The following MCC variants were observed in gnomAD, a reference collection of about 807,000 sequenced individuals.
MCC encodes MCC regulator of Wnt signaling pathway, also known as colorectal mutant cancer protein.
Under a neutral mutation model 116.2 loss-of-function variants are expected in MCC, and 90 were observed. The observed-to-expected ratio is 0.77, with a 90% CI of 0.65 to 0.92. The LOEUF (loss-of-function observed/expected upper bound fraction) is 0.92, where lower values mean the gene tolerates loss of function less well. MCC is among the 40% of genes least tolerant of loss of function. MCC has a pLI of 0.00. For missense variants in MCC, 1,516 were observed against 1,312.2 expected (o/e 1.16, Z -2.40); for synonymous variants, 578 against 510.5 (o/e 1.13, Z -1.78).
intron 1 of MCC, among the ~76,000 whole-genome samples, chr5:113,432,322 A>T (rs1770681127): frequency 1.0e-5 from 1 of 98,652 alleles, no homozygotes; most frequent in Admixed American, 8.9e-5. Flanking sequence ...CTCTGTCTCA[A>T]AAAAAAAAAA....
At chr5:113,464,581 A>G (rs978105446) in intron 1 of MCC, among the ~76,000 whole-genome samples, 1 of 147,628 alleles carries the variant, frequency 6.8e-6, no homozygotes, top group Admixed American at 6.9e-5. Context: ...TTTATTTGGT[A>G]TTTCTTACTC....
chr5:113,204,055 C>T (rs1457463731), intron 3 of MCC, among the ~76,000 whole-genome samples: 1 of 152,206 alleles, frequency 6.6e-6, no homozygotes, highest in Non-Finnish European at 1.5e-5. Context: ...TCTCTATCCA[C>T]AGCCTTTCTG....
At chr5:113,320,257 T>TAC (rs147315202) in intron 3 of MCC, among the ~76,000 whole-genome samples, 13,310 of 150,926 alleles carry the variant, frequency 0.088, 1,325 homozygotes, top group African/African-American at 0.25. Context: ...TACTATGTAG[T>TAC]ACACACACAC....
intron 11 of MCC, among the ~76,000 whole-genome samples, chr5:113,077,515 CA>C (rs1754540536): frequency 1.3e-5 from 2 of 152,170 alleles, no homozygotes; most frequent in Admixed American, 1.3e-4. Flanking sequence ...CTCAAAACTG[CA>C]TAACTACATG....
intron 14 of MCC, among the ~76,000 whole-genome samples, chr5:113,062,685 A>C (rs544668569): frequency 6.6e-6 from 1 of 152,354 alleles, no homozygotes; most frequent in South Asian, 2.1e-4. Flanking sequence ...GAAAAAAATT[A>C]TAATCTGTGC....
At chr5:113,316,789 A>G (rs749111326) in intron 3 of MCC, among the ~76,000 whole-genome samples, 30 of 152,322 alleles carry the variant, frequency 2.0e-4, no homozygotes, top group Middle Eastern at 6.8e-3. Flanking sequence ...AAATCTGTCA[A>G]ATAACATAGC....
intron 5 of MCC, among the ~76,000 whole-genome samples, chr5:113,135,200 G>A (rs1368560016): frequency 6.7e-6 from 1 of 150,164 alleles, no homozygotes; most frequent in Non-Finnish European, 1.5e-5. Context: ...GGCCTCCCAA[G>A]TTGCTGGGAT....
chr5:113,165,439 T>G (rs1760716813), intron 3 of MCC, among the ~76,000 whole-genome samples: 1 of 152,208 alleles, frequency 6.6e-6, no homozygotes, highest in African/African-American at 2.4e-5. Flanking sequence ...TTATTCCTTT[T>G]TTGTCCCCTT....
chr5:113,289,253 C>T (rs1766387089), intron 3 of MCC, among the ~76,000 whole-genome samples: 1 of 151,236 alleles, frequency 6.6e-6, no homozygotes. Flanking sequence ...ATTGCTTGAT[C>T]CCGGGAGGCA....
intron 5 of MCC, among the ~76,000 whole-genome samples, chr5:113,123,465 T>A (rs1011589871): frequency 2.0e-5 from 3 of 152,210 alleles, no homozygotes; most frequent in Admixed American, 1.3e-4. Flanking sequence ...GAGAACACCA[T>A]TCAATGGTCT....
At chr5:113,070,767 C>A (rs900372075) in intron 12 of MCC, among the ~76,000 whole-genome samples, 4 of 152,034 alleles carry the variant, frequency 2.6e-5, no homozygotes, top group African/African-American at 9.7e-5. Context: ...CTAGAATGCA[C>A]TAGATTTATA....
chr5:113,260,855 T>C (rs1290272247), intron 3 of MCC, among the ~76,000 whole-genome samples: 1 of 152,140 alleles, frequency 6.6e-6, no homozygotes, highest in African/African-American at 2.4e-5. Context: ...AATATGAGTT[T>C]TCCAAAATTT....
At chr5:113,472,926 G>A (rs1254988830) in intron 1 of MCC, among the ~76,000 whole-genome samples, 1 of 152,096 alleles carries the variant, frequency 6.6e-6, no homozygotes, top group Non-Finnish European at 1.5e-5. Context: ...TTAAACTATT[G>A]GTTCATTCAT....
At chr5:113,430,011 A>G (rs1770585144) in intron 1 of MCC, among the ~76,000 whole-genome samples, 1 of 152,216 alleles carries the variant, frequency 6.6e-6, no homozygotes, top group African/African-American at 2.4e-5. Context: ...AGGAGAGCTC[A>G]TGAGTTCACA....
intron 6 of MCC, among the ~76,000 whole-genome samples, chr5:113,121,740 A>C (rs575100916): frequency 7.9e-5 from 12 of 152,320 alleles, no homozygotes; most frequent in African/African-American, 2.6e-4. Flanking sequence ...TATAAAACTC[A>C]AGAAAACTGA....
At chr5:113,310,419 G>A (rs993030815) in intron 3 of MCC, among the ~76,000 whole-genome samples, 1 of 152,136 alleles carries the variant, frequency 6.6e-6, no homozygotes, top group Non-Finnish European at 1.5e-5. Flanking sequence ...CCTCCAGAAC[G>A]CTAAGAAATA....
intron 3 of MCC, among the ~76,000 whole-genome samples, chr5:113,289,169 A>G (rs933178320): frequency 2.0e-5 from 3 of 151,926 alleles, no homozygotes; most frequent in Non-Finnish European, 4.4e-5. Context: ...TGTCTCTACT[A>G]AAAATACAAA....
At chr5:113,205,723 A>G (rs547342380) in intron 3 of MCC, among the ~76,000 whole-genome samples, 36 of 152,350 alleles carry the variant, frequency 2.4e-4, no homozygotes, top group African/African-American at 8.4e-4. Flanking sequence ...TTTGCTTTAA[A>G]TAACGGGAAT....
At chr5:113,180,888 T>TA (rs1374933185) in intron 3 of MCC, among the ~76,000 whole-genome samples, 3 of 152,204 alleles carry the variant, frequency 2.0e-5, no homozygotes, top group Admixed American at 1.3e-4. Context: ...TAAAGTTACT[T>TA]ACGTCCTTCT....
Sources: gnomAD v4.1 joint callset for allele counts (sites outside exome capture counted in the v4.1 genomes callset) on GRCh38, gnomAD v4.1.1 for gene constraint, MANE v1.5 for transcripts, NCBI Gene and HGNC (gene_info 2026-07-23, HGNC 2026-07-21) for gene names.